The following HS6ST3 variants were observed in gnomAD, a reference collection of about 807,000 sequenced individuals.
HS6ST3 encodes heparan-sulfate 6-O-sulfotransferase 3.
A neutral mutation model predicts 36.7 loss-of-function variants in HS6ST3; 12 were observed. The observed-to-expected ratio is 0.33, with a 90% confidence interval of 0.21 to 0.53. The LOEUF (loss-of-function observed/expected upper bound fraction) is 0.53, where lower values mean the gene tolerates loss of function less well. Ranked by LOEUF, HS6ST3 falls within the 20% of genes least tolerant of loss-of-function variation. The pLI is 0.95. For synonymous variants in HS6ST3, 240 were observed against 257.5 expected, an observed-to-expected ratio of 0.93 and a Z score of 0.65; for missense variants, 584 against 640.9, an observed-to-expected ratio of 0.91 and a Z score of 0.96.
rs142101629 is a variant in HS6ST3 at position 96,521,386 on chromosome 13, C to T, written c.708-311104C>T. Among the ~76,000 whole-genome samples, 9 of 152,176 alleles carry T rather than the reference C, an allele frequency of 5.9e-5. No individual in the cohort carries two copies. The East Asian group carries it at 1.7e-3, about 29-fold the overall frequency. Reference sequence around the variant, plus strand: ...TTATAAAATGAGTTAGGGAGGATTCCCTCTTTTTCTATTGATTGGAATAGT... The same window carrying T: ...TTATAAAATGAGTTAGGGAGGATTCTCTCTTTTTCTATTGATTGGAATAGT... On this transcript the variant is annotated intron_variant, in intron 1 of 1. Coordinates refer to ENST00000376705, the MANE Select transcript of HS6ST3 (RefSeq NM_153456.4).
In HS6ST3 at chr13:96,771,314, T is replaced by C. The variant is rs930993972; in HGVS notation, c.708-61176T>C. Reference sequence around the variant, plus strand: ...GAGGGATAGCATTAGGAGATATACCTAATGTAAATGACGAGTTAATGGGTG... The same window carrying C: ...GAGGGATAGCATTAGGAGATATACCCAATGTAAATGACGAGTTAATGGGTG... On this transcript the variant is annotated intron_variant, in intron 1 of 1. Transcript: ENST00000376705. Among the ~76,000 whole-genome samples, 20 of 150,962 alleles carry C rather than the reference T, an allele frequency of 1.3e-4. No homozygotes were observed. The East Asian group carries it at 4.0e-3, about 30-fold the overall frequency.
chr13:96,664,212 G>T (rs776199337), intron 1 of HS6ST3, among the ~76,000 whole-genome samples: 17 of 152,162 alleles, frequency 1.1e-4, no homozygotes, highest in Non-Finnish European at 2.4e-4. Context: ...GCAACATAGT[G>T]TATGTGTGTA....
chr13:96,642,946 C>T (rs1454423703), intron 1 of HS6ST3, among the ~76,000 whole-genome samples: 2 of 151,848 alleles, frequency 1.3e-5, no homozygotes, highest in African/African-American at 4.8e-5. Flanking sequence ...TGTTTAGGCT[C>T]TCCTTTCTTG....
chr13:96,381,436 A>ATCTATCTATCTATCTATCTATCTG (rs2055341207), intron 1 of HS6ST3, among the ~76,000 whole-genome samples: 1 of 141,592 alleles, frequency 7.1e-6, no homozygotes, highest in Non-Finnish European at 1.5e-5. Flanking sequence ...CTATCTATCT[A>ATCTATCTATCTATCTATCTATCTG]TCACTCATTC....
chr13:96,210,411 C>T (rs566304219), intron 1 of HS6ST3, among the ~76,000 whole-genome samples: 9 of 152,230 alleles, frequency 5.9e-5, no homozygotes, highest in South Asian at 2.1e-4. Flanking sequence ...CCAACTTTGG[C>T]GGGTCCTGAG....
chr13:96,817,276 C>A (rs1488818794), intron 1 of HS6ST3, among the ~76,000 whole-genome samples: 1 of 152,114 alleles, frequency 6.6e-6, no homozygotes, highest in Non-Finnish European at 1.5e-5. Context: ...CAGTTTTAAC[C>A]TTTGGTGAAA....
At chr13:96,358,811 G>A (rs974827206) in intron 1 of HS6ST3, among the ~76,000 whole-genome samples, 4 of 151,964 alleles carry the variant, frequency 2.6e-5, no homozygotes, top group Non-Finnish European at 4.4e-5. Flanking sequence ...GAAATATTTA[G>A]GGGTATTATG....
chr13:96,249,874 T>A (rs868049864), intron 1 of HS6ST3, among the ~76,000 whole-genome samples: 20 of 152,282 alleles, frequency 1.3e-4, no homozygotes, highest in South Asian at 1.0e-3. Flanking sequence ...TCTACTTAGA[T>A]GAGGTATCTA....
chr13:96,327,882 A>T (rs1307156807), intron 1 of HS6ST3, among the ~76,000 whole-genome samples: 1 of 144,714 alleles, frequency 6.9e-6, no homozygotes, highest in Admixed American at 6.8e-5. Context: ...GTTCTCCTTG[A>T]AGAGGTCCTT....
intron 1 of HS6ST3, among the ~76,000 whole-genome samples, chr13:96,252,604 C>A (rs1048305614): frequency 6.6e-6 from 1 of 152,144 alleles, no homozygotes; most frequent in Non-Finnish European, 1.5e-5. Context: ...TGCTCAGATA[C>A]GCACTTTTGT....
chr13:96,709,088 C>T (rs1296394664), intron 1 of HS6ST3, among the ~76,000 whole-genome samples: 2 of 152,124 alleles, frequency 1.3e-5, no homozygotes, highest in African/African-American at 2.4e-5. Flanking sequence ...GGGGCAGTTT[C>T]TCCCACGCTG....
At chr13:96,638,496 C>T (rs1461744234) in intron 1 of HS6ST3, among the ~76,000 whole-genome samples, 1 of 151,870 alleles carries the variant, frequency 6.6e-6, no homozygotes, top group Non-Finnish European at 1.5e-5. Flanking sequence ...AAATATAGTT[C>T]CCATAATCCC....
At chr13:96,566,226 A>G (rs149158327) in intron 1 of HS6ST3, among the ~76,000 whole-genome samples, 28 of 152,252 alleles carry the variant, frequency 1.8e-4, no homozygotes, top group Non-Finnish European at 2.8e-4. Flanking sequence ...ACAGAAAGCT[A>G]ACATTCGGTT....
intron 1 of HS6ST3, among the ~76,000 whole-genome samples, chr13:96,471,506 G>A (rs960996478): frequency 5.3e-5 from 8 of 152,138 alleles, no homozygotes; most frequent in Admixed American, 5.2e-4. Context: ...CTCAGTGTAT[G>A]TCTATTTCAA....
intron 1 of HS6ST3, among the ~76,000 whole-genome samples, chr13:96,499,875 C>T (rs1032798844): frequency 6.6e-6 from 1 of 152,114 alleles, no homozygotes; most frequent in Admixed American, 6.6e-5. Context: ...TCTGCTTGAG[C>T]AGAAAAGCAG....
chr13:96,330,243 T>A (rs1464675193), intron 1 of HS6ST3, among the ~76,000 whole-genome samples: 1 of 151,508 alleles, frequency 6.6e-6, no homozygotes, highest in Non-Finnish European at 1.5e-5. Context: ...AGCTGGTGAT[T>A]TTGCTCGTTA....
intron 1 of HS6ST3, among the ~76,000 whole-genome samples, chr13:96,510,344 C>T (rs3848007): frequency 0.78 from 119,204 of 151,956 alleles, 48,693 homozygotes; most frequent in Non-Finnish European, 0.9. Context: ...ACTTCTTTTA[C>T]AATTTGGATG....
chr13:96,315,494 T>C lies in HS6ST3; in HGVS notation c.707+223925T>C, dbSNP rs138094596. Among the ~76,000 whole-genome samples the C allele has an allele frequency of 2.8e-3, 433 of 152,218 alleles. 4 individuals are homozygous for C. The highest frequency in any genetic ancestry group is 1.0e-2 in the African/African-American group (415 of 41,546). On this transcript the variant is annotated intron_variant, in intron 1 of 1. Coordinates refer to ENST00000376705, the MANE Select transcript of HS6ST3 (RefSeq NM_153456.4). ...GTTTGCATTTAGGTTTTTAGATTAA[T>C]ACAGGATCCTCTTTCAGAGACTAAA...
chr13:96,163,672 G>A (rs2054147990), intron 1 of HS6ST3, among the ~76,000 whole-genome samples: 2 of 151,922 alleles, frequency 1.3e-5, no homozygotes, highest in Admixed American at 1.3e-4. Flanking sequence ...TATAATGATA[G>A]GTATAATGAT....
Sources: gnomAD v4.1 joint callset for allele counts (sites outside exome capture counted in the v4.1 genomes callset) on GRCh38, gnomAD v4.1.1 for gene constraint, MANE v1.5 for transcripts, NCBI Gene and HGNC (gene_info 2026-07-23, HGNC 2026-07-21) for gene names.